The following CTNNBL1 variants were observed in gnomAD, a reference collection of about 807,000 sequenced individuals.
The protein encoded by CTNNBL1 is beta-catenin-like protein 1.
A neutral mutation model predicts 72.7 loss-of-function variants in CTNNBL1; 31 were observed. The ratio of observed to expected loss-of-function variants is 0.43; its 90% CI spans 0.32 to 0.58. CTNNBL1 has a LOEUF of 0.58. Ranked by LOEUF, CTNNBL1 falls within the 20% of genes least tolerant of loss-of-function variation. CTNNBL1 has a pLI of 0.08. For missense variants in CTNNBL1, 534 were observed against 725.1 expected (o/e 0.74, Z 3.03); for synonymous variants, 240 against 267.3 (o/e 0.90, Z 1.00).
intron 11 of CTNNBL1, among the ~76,000 whole-genome samples, chr20:37,816,762 T>C (rs1041346889): frequency 6.6e-6 from 1 of 151,620 alleles, no homozygotes; most frequent in African/African-American, 2.4e-5. Context: ...TATCATAAAA[T>C]ACATTAAGCA....
intron 10 of CTNNBL1, 121 bp from the exon 11 acceptor site, chr20:37,802,746 A>G (rs752106315): frequency 6.5e-5 from 49 of 759,322 alleles, no homozygotes; most frequent in Non-Finnish European, 9.7e-5. Context: ...CCTAATTGTT[A>G]ACAAGTATGT....
At chr20:37,763,102 G>A (rs556030772) in intron 5 of CTNNBL1, among the ~76,000 whole-genome samples, 1 of 152,374 alleles carries the variant, frequency 6.6e-6, no homozygotes, top group Non-Finnish European at 1.5e-5. Context: ...CTGGCAAGCA[G>A]TGTGATACCC....
chr20:37,795,847 C>T (rs2073768867), intron 10 of CTNNBL1, among the ~76,000 whole-genome samples: 1 of 149,082 alleles, frequency 6.7e-6, no homozygotes, highest in East Asian at 1.9e-4. Flanking sequence ...TCTTTGAATC[C>T]CTAGTAATTT....
At chr20:37,760,172 CTT>C (rs2073403336) in intron 5 of CTNNBL1, among the ~76,000 whole-genome samples, 2 of 152,178 alleles carry the variant, frequency 1.3e-5, no homozygotes, top group Admixed American at 6.5e-5. Flanking sequence ...AAAATGGACT[CTT>C]TTCTGAAGAG....
chr20:37,717,500 C>G (rs551807470), intron 1 of CTNNBL1, among the ~76,000 whole-genome samples: 1 of 152,266 alleles, frequency 6.6e-6, no homozygotes, highest in African/African-American at 2.4e-5. Flanking sequence ...AAATAGCTTT[C>G]CCATATTAAT....
chr20:37,743,380 A>C (rs1297353320), intron 3 of CTNNBL1, among the ~76,000 whole-genome samples: 1 of 152,052 alleles, frequency 6.6e-6, no homozygotes, highest in Non-Finnish European at 1.5e-5. Flanking sequence ...CATGATTCTG[A>C]TTTAGCTTCC....
At chr20:37,761,203 G>T (rs1473700633) in intron 5 of CTNNBL1, among the ~76,000 whole-genome samples, 2 of 152,220 alleles carry the variant, frequency 1.3e-5, no homozygotes, top group Admixed American at 1.3e-4. Flanking sequence ...AACAGAGATG[G>T]AAGTGTGGCT....
chr20:37,764,793 G>A (rs2073450652), intron 5 of CTNNBL1, among the ~76,000 whole-genome samples: 1 of 152,170 alleles, frequency 6.6e-6, no homozygotes, highest in African/African-American at 2.4e-5. Flanking sequence ...GCCTAAAGAC[G>A]TGTTTTGGCT....
intron 1 of CTNNBL1, among the ~76,000 whole-genome samples, chr20:37,713,462 TAAAA>T (rs2072956978): frequency 6.6e-6 from 1 of 152,228 alleles, no homozygotes; most frequent in Non-Finnish European, 1.5e-5. Context: ...TTATTTTAAT[TAAAA>T]AAGCAATTTT....
At chr20:37,767,846 A>T (rs1644066222) in intron 6 of CTNNBL1, 107 bp from the exon 7 acceptor site, 1 of 839,226 alleles carries the variant, frequency 1.2e-6, no homozygotes, top group African/African-American at 1.6e-5. Flanking sequence ...GCTGGGAGTA[A>T]TGCAGGGAAG....
At chr20:37,745,608 G>A (rs2073255270) in intron 3 of CTNNBL1, among the ~76,000 whole-genome samples, 1 of 152,226 alleles carries the variant, frequency 6.6e-6, no homozygotes, top group Non-Finnish European at 1.5e-5. Context: ...GAGAGGCTAA[G>A]TAGGTGGCTA....
chr20:37,768,135 G>T, intron 7 of CTNNBL1, 91 bp downstream of exon 7: 1 of 1,050,238 alleles, frequency 9.5e-7, no homozygotes, highest in African/African-American at 1.6e-5. Flanking sequence ...GTTATGCTGG[G>T]CCATATGATC....
chr20:37,727,356 G>A (rs554919552), intron 1 of CTNNBL1: 6 of 985,104 alleles, frequency 6.1e-6, no homozygotes, highest in Admixed American at 6.1e-5. Context: ...GATTATTGGC[G>A]AGTAAAGGCA....
intron 1 of CTNNBL1, among the ~76,000 whole-genome samples, chr20:37,720,179 C>T (rs2073027785): frequency 6.6e-6 from 1 of 152,142 alleles, no homozygotes; most frequent in Non-Finnish European, 1.5e-5. Flanking sequence ...AGGCGCCTGC[C>T]ACCATGCCCG....
chr20:37,808,340 G>A (rs2071978598), intron 11 of CTNNBL1, among the ~76,000 whole-genome samples: 1 of 152,162 alleles, frequency 6.6e-6, no homozygotes, highest in African/African-American at 2.4e-5. Flanking sequence ...TTAGAAGAAG[G>A]AAATGGCAGA....
At chr20:37,774,572 C>T (rs2073557707) in intron 7 of CTNNBL1, among the ~76,000 whole-genome samples, 1 of 152,170 alleles carries the variant, frequency 6.6e-6, no homozygotes, top group Admixed American at 6.5e-5. Flanking sequence ...TTTTTAAAAA[C>T]TTACTTTGGT....
At chr20:37,838,792 C>G (rs1397773001) in intron 11 of CTNNBL1, among the ~76,000 whole-genome samples, 1 of 152,164 alleles carries the variant, frequency 6.6e-6, no homozygotes, top group African/African-American at 2.4e-5. Context: ...GAGGCTGAGG[C>G]AGAAGGATTG....
intron 1 of CTNNBL1, among the ~76,000 whole-genome samples, chr20:37,706,216 G>C (rs1296331452): frequency 6.6e-6 from 1 of 152,166 alleles, no homozygotes; most frequent in Non-Finnish European, 1.5e-5. Flanking sequence ...GCTGAAGGTT[G>C]GGGTGGCTGT....
intron 13 of CTNNBL1, among the ~76,000 whole-genome samples, chr20:37,852,066 G>T (rs1437264280): frequency 1.3e-5 from 2 of 152,238 alleles, no homozygotes; most frequent in Non-Finnish European, 2.9e-5. Flanking sequence ...AAAAAATGCT[G>T]CATGAATGCT....
Sources: gnomAD v4.1 joint callset for allele counts (sites outside exome capture counted in the v4.1 genomes callset) on GRCh38, gnomAD v4.1.1 for gene constraint, MANE v1.5 for transcripts, NCBI Gene and HGNC (gene_info 2026-07-23, HGNC 2026-07-21) for gene names.